Variants in USP45 observed in about 807,000 individuals in gnomAD.
USP45 encodes the protein ubiquitin carboxyl-terminal hydrolase 45.
In USP45, 89 loss-of-function variants were observed where a neutral mutation model predicts 95.8. The observed-to-expected ratio is 0.93, with a 90% CI of 0.78 to 1.11. USP45 has a LOEUF of 1.11. USP45 is among the 50% of genes least tolerant of loss of function. USP45 has a pLI of 0.00. For synonymous variants in USP45, 281 were observed against 316.2 expected, an observed-to-expected ratio of 0.89 and a Z score of 1.18; for missense variants, 898 against 942.5, an observed-to-expected ratio of 0.95 and a Z score of 0.62.
At chr6:99,468,456 T>C in intron 10 of USP45, 81 bp downstream of exon 10, 3 of 957,228 alleles carry the variant, frequency 3.1e-6, no homozygotes, top group Non-Finnish European at 3.2e-6. Context: ...TTAGTTCACA[T>C]AATGTTCAGT....
intron 4 of USP45, 32 bp downstream of exon 4, chr6:99,507,396 G>C (rs1308869209): frequency 2.2e-6 from 3 of 1,388,132 alleles, no homozygotes; most frequent in Non-Finnish European, 2.0e-6. Context: ...GCTGTGGTTA[G>C]TGGACACAAG....
chr6:99,489,689 G>A (rs1168605852), intron 5 of USP45, among the ~76,000 whole-genome samples: 3 of 152,198 alleles, frequency 2.0e-5, no homozygotes, highest in Non-Finnish European at 2.9e-5. Context: ...CCTCAGGCCT[G>A]TAATCCTAGC....
intron 9 of USP45, among the ~76,000 whole-genome samples, chr6:99,474,863 C>G (rs1790406808): frequency 6.6e-6 from 1 of 152,164 alleles, no homozygotes; most frequent in African/African-American, 2.4e-5. Flanking sequence ...CAGGAAACCC[C>G]TCCCAGAAGA....
intron 11 of USP45, among the ~76,000 whole-genome samples, chr6:99,466,409 TC>T (rs1231438235): frequency 6.6e-6 from 1 of 152,196 alleles, no homozygotes; most frequent in Non-Finnish European, 1.5e-5. Context: ...CTAATGAATT[TC>T]AGTATATTAA....
chr6:99,489,590 T>C (rs1014753224), intron 5 of USP45, among the ~76,000 whole-genome samples: 1 of 152,138 alleles, frequency 6.6e-6, no homozygotes, highest in Non-Finnish European at 1.5e-5. Flanking sequence ...GTAAAATACC[T>C]AAGTATATGA....
intron 12 of USP45, 155 bp downstream of exon 12, chr6:99,464,925 C>T (rs1713490612): frequency 2.1e-6 from 2 of 942,774 alleles, no homozygotes; most frequent in Non-Finnish European, 3.0e-6. Flanking sequence ...TGCATACTTA[C>T]ACAAACCCCC....
intron 14 of USP45, 67 bp from the exon 15 acceptor site, chr6:99,443,729 A>T: frequency 9.6e-7 from 1 of 1,046,282 alleles, no homozygotes. Flanking sequence ...TATAATAAAA[A>T]TTTATACAGA....
At chr6:99,502,007 GC>G in intron 5 of USP45, 1 of 1,299,506 alleles carries the variant, frequency 7.7e-7, no homozygotes, top group South Asian at 1.3e-5. Flanking sequence ...ATGGGGCCTG[GC>G]CCTGCCAGAA....
chr6:99,467,438 T>C (rs1306751410), intron 10 of USP45, among the ~76,000 whole-genome samples: 2 of 151,998 alleles, frequency 1.3e-5, no homozygotes, highest in Non-Finnish European at 2.9e-5. Flanking sequence ...AAAAGTATAT[T>C]AACAAACCTA....
chr6:99,506,720 A>G (rs1798599123), intron 4 of USP45, among the ~76,000 whole-genome samples: 1 of 152,186 alleles, frequency 6.6e-6, no homozygotes, highest in Non-Finnish European at 1.5e-5. Flanking sequence ...AACCAGGATT[A>G]AACAGCAGAA....
At chr6:99,485,430 A>C (rs1583303528) in intron 7 of USP45, among the ~76,000 whole-genome samples, 1 of 152,368 alleles carries the variant, frequency 6.6e-6, no homozygotes, top group East Asian at 1.9e-4. Flanking sequence ...TGAATTTCAC[A>C]CATAATGTTG....
chr6:99,493,085 G>C (rs1232163624), intron 5 of USP45, among the ~76,000 whole-genome samples: 1 of 151,358 alleles, frequency 6.6e-6, no homozygotes, highest in African/African-American at 2.4e-5. Flanking sequence ...CTGGAGTGCA[G>C]TGGCACGATC....
intron 5 of USP45, among the ~76,000 whole-genome samples, chr6:99,500,103 C>A (rs1175123559): frequency 6.6e-6 from 1 of 152,074 alleles, no homozygotes; most frequent in Non-Finnish European, 1.5e-5. Context: ...AACACCAGAC[C>A]CCCTGACTCA....
intron 1 of USP45, among the ~76,000 whole-genome samples, chr6:99,513,513 A>G (rs562878067): frequency 6.6e-6 from 1 of 152,356 alleles, no homozygotes; most frequent in South Asian, 2.1e-4. Context: ...CTAATAAAGT[A>G]CAGGGAAAAT....
intron 13 of USP45, among the ~76,000 whole-genome samples, chr6:99,447,526 G>A (rs1397837870): frequency 6.6e-6 from 1 of 152,106 alleles, no homozygotes; most frequent in African/African-American, 2.4e-5. Context: ...CTAACAGTTG[G>A]TAAACAAAGC....
chr6:99,509,385 T>C (rs1307655013), intron 2 of USP45, among the ~76,000 whole-genome samples: 2 of 152,164 alleles, frequency 1.3e-5, no homozygotes, highest in African/African-American at 2.4e-5. Context: ...TATTCGGATT[T>C]CAGAAGACAT....
chr6:99,500,507 T>C (rs149198258), intron 5 of USP45, among the ~76,000 whole-genome samples: 301 of 152,210 alleles, frequency 2.0e-3, no homozygotes, highest in African/African-American at 6.7e-3. Context: ...ATCAGTAAAA[T>C]TGAATGAAAA....
chr6:99,456,134 GAAAAAAAAAAAAAAA>G (rs71021737), intron 13 of USP45, among the ~76,000 whole-genome samples: 5 of 89,524 alleles, frequency 5.6e-5, no homozygotes, highest in Non-Finnish European at 1.0e-4. Context: ...CTCTGTCTCG[GAAAAAAAAAAAAAAA>G]AAAAAAAAGA....
At chr6:99,461,293 G>A (rs1238457932) in intron 13 of USP45, 1 of 985,116 alleles carries the variant, frequency 1.0e-6, no homozygotes, top group Non-Finnish European at 1.2e-6. Context: ...TGTGGGGAGG[G>A]GAAAGAAGGG....
Sources: gnomAD v4.1 joint callset for allele counts (sites outside exome capture counted in the v4.1 genomes callset) on GRCh38, gnomAD v4.1.1 for gene constraint, MANE v1.5 for transcripts, NCBI Gene and HGNC (gene_info 2026-07-23, HGNC 2026-07-21) for gene names.